Variants in SEMA4D observed in about 807,000 individuals in gnomAD.
The protein encoded by SEMA4D is semaphorin-4D.
A neutral mutation model predicts 74.8 loss-of-function variants in SEMA4D; 22 were observed. The ratio of observed to expected loss-of-function variants is 0.29; its 90% CI spans 0.21 to 0.42. The LOEUF (loss-of-function observed/expected upper bound fraction) is 0.42. Ranked by LOEUF, SEMA4D falls within the 10% of genes least tolerant of loss-of-function variation. The pLI is 1.00. For synonymous variants in SEMA4D, 445 were observed against 463.7 expected, an observed-to-expected ratio of 0.96 and a Z score of 0.52; for missense variants, 937 against 1,118.4, an observed-to-expected ratio of 0.84 and a Z score of 2.31.
At chr9:89,393,521 T>G in intron 7 of SEMA4D, 41 bp downstream of exon 7, 1 of 1,486,384 alleles carries the variant, frequency 6.7e-7, no homozygotes, top group South Asian at 1.1e-5. Flanking sequence ...AACATGCCAC[T>G]GTAATCTTCA....
intron 5 of SEMA4D, among the ~76,000 whole-genome samples, chr9:89,397,459 G>A (rs1841240970): frequency 6.6e-6 from 1 of 152,204 alleles, no homozygotes; most frequent in African/African-American, 2.4e-5. Context: ...GGGAGTGGCT[G>A]CACTAGGAGA....
intron 1 of SEMA4D, among the ~76,000 whole-genome samples, chr9:89,470,894 G>C (rs1860014363): frequency 6.6e-6 from 1 of 152,158 alleles, no homozygotes; most frequent in African/African-American, 2.4e-5. Flanking sequence ...GATTGGGAGG[G>C]AGCTGAATAT....
chr9:89,449,969 G>A, intron 2 of SEMA4D: 2 of 1,541,442 alleles, frequency 1.3e-6, no homozygotes, highest in Admixed American at 1.7e-5. Context: ...AAGTAACAGG[G>A]AGGAAAGCAG....
In SEMA4D at chr9:89,411,129, C is replaced by T. The variant is rs181923926; in HGVS notation, c.-243-5430G>A. Among the ~76,000 whole-genome samples, 137 of 152,226 alleles carry T rather than the reference C, an allele frequency of 9.0e-4. 1 individual carries two copies. The highest frequency in any genetic ancestry group is 3.0e-3 in the African/African-American group (125 of 41,524). On this transcript the variant is annotated intron_variant, in intron 2 of 15. Transcript: ENST00000422704. ...GGAGCAGGCAGAGGCTCCAATGGGGCGGGGCAGGAGAAGGCACAGTGGATT... is the reference window on the plus strand; with the variant it reads ...GGAGCAGGCAGAGGCTCCAATGGGGTGGGGCAGGAGAAGGCACAGTGGATT...
intron 6 of SEMA4D, among the ~76,000 whole-genome samples, chr9:89,395,424 C>CA (rs60494089): frequency 0.02 from 2,245 of 111,802 alleles, 25 homozygotes; most frequent in Non-Finnish European, 0.026. Flanking sequence ...AACTCCGTCT[C>CA]AAAAAAAAAA....
chr9:89,398,485 C>G lies in SEMA4D; in HGVS notation c.315+791G>C, dbSNP rs79373426. ...ACCATCCTTTAAGTGTCCATGCAAC[C>G]TCATTCTTCTTGGATGCCGGACAAG... On this transcript the variant is annotated intron_variant, in intron 5 of 15. Coordinates refer to ENST00000422704, the MANE Select transcript of SEMA4D (RefSeq NM_001371194.2). Among the ~76,000 whole-genome samples, 1,129 of 152,294 alleles carry G rather than the reference C, an allele frequency of 7.4e-3. 14 individuals carry two copies. The highest frequency in any genetic ancestry group is 0.025 in the African/African-American group (1,035 of 41,542).
intron 2 of SEMA4D, among the ~76,000 whole-genome samples, chr9:89,411,526 C>G (rs763352744): frequency 2.6e-5 from 4 of 152,198 alleles, no homozygotes; most frequent in Non-Finnish European, 5.9e-5. Flanking sequence ...AGTTGAAACT[C>G]AGTGTCTCAG....
chr9:89,392,496 T>C lies in SEMA4D; in HGVS notation c.549A>G (p.Gly183=), dbSNP rs770124411. ...LYSGTSYNFL[G]SEPIISRNSS... ...AATTTCGGGAGATGATGGGTTCACT[T>C]CCCAAAAAATTATACGACGTCCCCG... The change falls in exon 8 of 16, where the codon GGA becomes GGG. Residue 183 remains glycine, a synonymous_variant. Coordinates refer to ENST00000422704, the MANE Select transcript of SEMA4D (RefSeq NM_001371194.2). 7 of 1,613,730 alleles carry C rather than the reference T, an allele frequency of 4.3e-6. No individual in the cohort carries two copies. Among genetic ancestry groups the C allele is most frequent in the Non-Finnish European group, 5.1e-6 (6 of 1,179,852 alleles).
chr9:89,493,785 C>G (rs1376586561), intron 1 of SEMA4D, among the ~76,000 whole-genome samples: 1 of 152,198 alleles, frequency 6.6e-6, no homozygotes, highest in Admixed American at 6.5e-5. Flanking sequence ...ATATCCTTTA[C>G]TAAATGGAAG....
chr9:89,366,499 G>A (rs1833691355), intron 16 of SEMA4D, among the ~76,000 whole-genome samples: 1 of 152,098 alleles, frequency 6.6e-6, no homozygotes, highest in African/African-American at 2.4e-5. Context: ...AACAGGTTTG[G>A]TTTTTGTGCA....
chr9:89,368,888 C>T (rs1834102825), intron 16 of SEMA4D: 1 of 152,272 alleles, frequency 6.6e-6, no homozygotes, highest in South Asian at 2.1e-4. Context: ...TAGGCATCGC[C>T]TGGCTCCATG....
At chr9:89,384,945 C>G (rs540074657) in intron 13 of SEMA4D, 2 of 985,424 alleles carry the variant, frequency 2.0e-6, no homozygotes, top group South Asian at 9.4e-5. Flanking sequence ...GATGTATTTC[C>G]GCTTGTCCAG....
At chr9:89,370,393 G>A (rs530167550) in intron 16 of SEMA4D, among the ~76,000 whole-genome samples, 4 of 150,062 alleles carry the variant, frequency 2.7e-5, no homozygotes, top group African/African-American at 4.9e-5. Context: ...TGATATATGC[G>A]TGGCGTGTGG....
At chr9:89,474,877 G>A (rs928856861) in intron 1 of SEMA4D, among the ~76,000 whole-genome samples, 10 of 152,232 alleles carry the variant, frequency 6.6e-5, no homozygotes, top group Non-Finnish European at 7.3e-5. Flanking sequence ...CCCTGCAATA[G>A]GGGTCCCTGC....
intron 2 of SEMA4D, among the ~76,000 whole-genome samples, chr9:89,423,372 G>A (rs1847382848): frequency 6.6e-6 from 1 of 151,820 alleles, no homozygotes; most frequent in Non-Finnish European, 1.5e-5. Context: ...TGTATTTTTC[G>A]TACACACAGG....
At chr9:89,458,929 CCA>C (rs2135622758) in intron 1 of SEMA4D, among the ~76,000 whole-genome samples, 1 of 47,812 alleles carries the variant, frequency 2.1e-5, no homozygotes, top group South Asian at 5.3e-4. Context: ...CTGCACACAC[CCA>C]CATGTACTCA....
At chr9:89,364,434 G>A in intron 16 of SEMA4D, 1 of 229,506 alleles carries the variant, frequency 4.4e-6, no homozygotes, top group Admixed American at 5.0e-5. Flanking sequence ...TGGGGACCAT[G>A]AGGGCCTGTC....
chr9:89,472,818 G>C (rs1174588708), intron 1 of SEMA4D: 1 of 152,928 alleles, frequency 6.5e-6, no homozygotes, highest in African/African-American at 2.4e-5. Flanking sequence ...AGAGGGCCAG[G>C]CATGGTGGCT....
At chr9:89,472,391 T>C (rs1360401072) in intron 1 of SEMA4D, 3 of 344,354 alleles carry the variant, frequency 8.7e-6, no homozygotes, top group Non-Finnish European at 1.7e-5. Context: ...ACAGGAATGA[T>C]CACTGGGCAT....
Sources: gnomAD v4.1 joint callset for allele counts (sites outside exome capture counted in the v4.1 genomes callset) on GRCh38, gnomAD v4.1.1 for gene constraint, MANE v1.5 for transcripts, NCBI Gene and HGNC (gene_info 2026-07-23, HGNC 2026-07-21) for gene names.